The following CHRDL1 variants were observed in gnomAD, a reference collection of about 807,000 sequenced individuals.
The protein encoded by CHRDL1 is chordin-like protein 1.
Under a neutral mutation model 40.9 loss-of-function variants are expected in CHRDL1, and 19 were observed. The observed-to-expected ratio is 0.46, with a 90% CI of 0.32 to 0.68. CHRDL1 has a LOEUF of 0.68. CHRDL1 is among the 30% of genes least tolerant of loss of function. CHRDL1 has a pLI of 0.03. For missense variants in CHRDL1, 329 were observed against 352.1 expected, an observed-to-expected ratio of 0.93 and a Z score of 0.53; for synonymous variants, 136 against 123.4, an observed-to-expected ratio of 1.10 and a Z score of -0.68.
chrX:110,702,649 G>A (rs188235898), intron 6 of CHRDL1, among the ~76,000 whole-genome samples: 72 of 111,769 alleles, frequency 6.4e-4, no homozygotes, highest in African/African-American at 2.3e-3. Flanking sequence ...CATAGTAGTC[G>A]CTCAATAAAT....
At chrX:110,746,181 T>C (rs1427553585) in intron 4 of CHRDL1, among the ~76,000 whole-genome samples, 2 of 111,290 alleles carry the variant, frequency 1.8e-5, no homozygotes, top group African/African-American at 6.5e-5. Context: ...CTCATTTCCC[T>C]GATCCCAGTG....
intron 8 of CHRDL1, among the ~76,000 whole-genome samples, chrX:110,689,950 T>G (rs1334497704): frequency 2.0e-5 from 1 of 50,231 alleles, no homozygotes; most frequent in East Asian, 3.4e-4. Flanking sequence ...TCTATATATC[T>G]ATATATATCT....
intron 6 of CHRDL1, among the ~76,000 whole-genome samples, chrX:110,714,300 C>T (rs1378449543): frequency 1.8e-5 from 2 of 111,363 alleles, no homozygotes; most frequent in African/African-American, 6.5e-5. Flanking sequence ...CGCAAATGTT[C>T]ATTGCAGCAG....
chrX:110,776,431 C>A, intron 2 of CHRDL1, among the ~76,000 whole-genome samples: 1 of 111,410 alleles, frequency 9.0e-6, no homozygotes, highest in South Asian at 3.8e-4. Context: ...CTACTGGTGA[C>A]AAATTCTCTC....
At position 110,759,857 on chromosome X, in the gene CHRDL1, A is replaced by G. The variant is rs754158873; in HGVS notation, c.208-103T>C. The G allele has an allele frequency of 3.8e-5, 21 of 551,948 alleles. 1 individual carries two copies. In the South Asian group the frequency reaches 5.5e-4, roughly 14 times the overall value. 45.5% of individuals were successfully genotyped at this position (551,948 alleles called of 1,213,427 possible). A position where few individuals can be genotyped will look rare whatever the true frequency, so the allele number is the denominator to read the frequency against. ...ATGCAGGGACTCACCCAGGCAGTGA[A>G]TAATGCATTCCCAAGAAGCTGAATG... On this transcript the variant is annotated intron_variant, in intron 3 of 11. Transcript: ENST00000372042.
chrX:110,682,184 C>T (rs5942676), intron 9 of CHRDL1, among the ~76,000 whole-genome samples: 52,857 of 110,756 alleles, frequency 0.48, 10,812 homozygotes, highest in African/African-American at 0.76. Context: ...CCAAAGGATC[C>T]ATCCAAATTG....
intron 2 of CHRDL1, among the ~76,000 whole-genome samples, chrX:110,786,007 CA>C (rs772786483): frequency 1.8e-5 from 2 of 112,209 alleles, no homozygotes; most frequent in Non-Finnish European, 3.8e-5. Flanking sequence ...TACAAAGCAT[CA>C]GTAAAGAAAT....
At chrX:110,717,177 A>C (rs2070858445) in intron 6 of CHRDL1, among the ~76,000 whole-genome samples, 1 of 111,749 alleles carries the variant, frequency 8.9e-6, no homozygotes, top group Non-Finnish European at 1.9e-5. Flanking sequence ...GTCTGCTTAA[A>C]TGCAGATTCC....
intron 4 of CHRDL1, among the ~76,000 whole-genome samples, chrX:110,726,105 G>A (rs1342875708): frequency 9.0e-6 from 1 of 111,111 alleles, no homozygotes; most frequent in Non-Finnish European, 1.9e-5. Context: ...CCTAGAATAG[G>A]ATGCTGTTTC....
chrX:110,727,287 G>A (rs1314399933), intron 4 of CHRDL1, among the ~76,000 whole-genome samples: 1 of 111,658 alleles, frequency 9.0e-6, no homozygotes, highest in Non-Finnish European at 1.9e-5. Context: ...GCTGCTTTAG[G>A]ATTCTTCAGA....
intron 2 of CHRDL1, among the ~76,000 whole-genome samples, chrX:110,789,367 G>A (rs967938078): frequency 9.0e-6 from 1 of 111,615 alleles, no homozygotes; most frequent in African/African-American, 3.2e-5. Flanking sequence ...CTTATATGAA[G>A]GGCAATTTGA....
chrX:110,739,921 A>G (rs1405206782), intron 4 of CHRDL1, among the ~76,000 whole-genome samples: 1 of 112,646 alleles, frequency 8.9e-6, no homozygotes, highest in Non-Finnish European at 1.9e-5. Flanking sequence ...CTAAAGTGAA[A>G]TCAAAACCAG....
At chrX:110,780,069 G>A (rs1329982507) in intron 2 of CHRDL1, among the ~76,000 whole-genome samples, 2 of 111,438 alleles carry the variant, frequency 1.8e-5, no homozygotes, top group African/African-American at 6.5e-5. Flanking sequence ...ACAGGAGTGT[G>A]TTTGTCATTG....
intron 2 of CHRDL1, among the ~76,000 whole-genome samples, chrX:110,767,305 A>G (rs1224080182): frequency 9.1e-6 from 1 of 110,361 alleles, no homozygotes; most frequent in Non-Finnish European, 1.9e-5. Context: ...CACTCTCACC[A>G]CTCCTCTTCA....
chrX:110,749,395 G>A (rs973101548), intron 4 of CHRDL1, among the ~76,000 whole-genome samples: 135 of 111,887 alleles, frequency 1.2e-3, no homozygotes, highest in Non-Finnish European at 7.5e-4. Context: ...CCCTCCTGCA[G>A]ACAGCTTTGA....
chrX:110,724,835 GGCC>G (rs2071026655), intron 4 of CHRDL1, among the ~76,000 whole-genome samples: 1 of 110,595 alleles, frequency 9.0e-6, no homozygotes, highest in Non-Finnish European at 1.9e-5. Context: ...ATCTTTAGAG[GGCC>G]AACACAGCAT....
chrX:110,730,702 C>A (rs1391799805), intron 4 of CHRDL1, among the ~76,000 whole-genome samples: 1 of 110,875 alleles, frequency 9.0e-6, no homozygotes, highest in Non-Finnish European at 1.9e-5. Context: ...CTTGCCTCAG[C>A]CTCCTGAGGT....
At chrX:110,788,058 A>G (rs1018115297) in intron 2 of CHRDL1, among the ~76,000 whole-genome samples, 2 of 112,488 alleles carry the variant, frequency 1.8e-5, no homozygotes, top group Admixed American at 9.4e-5. Context: ...TCCTGGCCTC[A>G]TTGACTACAA....
chrX:110,727,092 G>A (rs1163832387), intron 4 of CHRDL1, among the ~76,000 whole-genome samples: 1 of 112,104 alleles, frequency 8.9e-6, no homozygotes, highest in Non-Finnish European at 1.9e-5. Flanking sequence ...AACACATAAA[G>A]GTTCATAATG....
Sources: gnomAD v4.1 joint callset for allele counts (sites outside exome capture counted in the v4.1 genomes callset) on GRCh38, gnomAD v4.1.1 for gene constraint, MANE v1.5 for transcripts, NCBI Gene and HGNC (gene_info 2026-07-23, HGNC 2026-07-21) for gene names.